SPON1: variants seen among roughly 807,000 people sequenced by gnomAD.
The protein encoded by SPON1 is spondin 1.
A neutral mutation model predicts 111.7 loss-of-function variants in SPON1; 52 were observed. That is an observed-to-expected ratio of 0.47 (90% CI 0.37 to 0.59). The LOEUF (loss-of-function observed/expected upper bound fraction) is 0.59, where lower values mean the gene tolerates loss of function less well. SPON1 is among the 20% of genes least tolerant of loss of function. The pLI, the probability that SPON1 is intolerant of heterozygous loss-of-function variation, is 0.00. For synonymous variants in SPON1, 410 were observed against 395.8 expected (o/e 1.04, Z -0.43); for missense variants, 957 against 1,068.5 (o/e 0.90, Z 1.46).
At chr11:14,046,775 G>C (rs1046872933) in intron 3 of SPON1, among the ~76,000 whole-genome samples, 1 of 152,120 alleles carries the variant, frequency 6.6e-6, no homozygotes, top group Non-Finnish European at 1.5e-5. Context: ...ATTTCGAATG[G>C]CTTTGCACTG....
intron 2 of SPON1, among the ~76,000 whole-genome samples, chr11:14,002,402 G>T (rs1848326203): frequency 6.6e-6 from 1 of 152,050 alleles, no homozygotes; most frequent in Non-Finnish European, 1.5e-5. Context: ...GCCCCAAAGA[G>T]CACCTTAAGA....
intron 6 of SPON1, among the ~76,000 whole-genome samples, chr11:14,138,875 C>T (rs1847621017): frequency 6.6e-6 from 1 of 152,122 alleles, no homozygotes; most frequent in Non-Finnish European, 1.5e-5. Context: ...TGTGCCTTCT[C>T]TTTTAAATTC....
chr11:14,254,494 C>T (rs1190259495), intron 7 of SPON1, 34 bp from the exon 8 acceptor site: 2 of 1,546,400 alleles, frequency 1.3e-6, no homozygotes, highest in Non-Finnish European at 8.7e-7. Flanking sequence ...ACCCCCAGAA[C>T]TCTAATATAA....
chr11:14,125,719 T>C (rs556953248), intron 5 of SPON1, among the ~76,000 whole-genome samples: 1 of 152,308 alleles, frequency 6.6e-6, no homozygotes, highest in African/African-American at 2.4e-5. Context: ...ATACCTGTTG[T>C]ATTAGTCAGG....
At chr11:14,227,149 A>C (rs1156578496) in intron 6 of SPON1, among the ~76,000 whole-genome samples, 1 of 152,158 alleles carries the variant, frequency 6.6e-6, no homozygotes. Context: ...TACCATGGCA[A>C]TATTCGTTTC....
intron 2 of SPON1, among the ~76,000 whole-genome samples, chr11:14,028,593 G>A (rs1554915636): frequency 6.6e-6 from 1 of 152,146 alleles, no homozygotes; most frequent in Non-Finnish European, 1.5e-5. Context: ...CTTATTCAGT[G>A]TATATGCATC....
In SPON1 at chr11:14,119,942, A is replaced by T. The variant is rs958236718; in HGVS notation, c.677-15478A>T. ...ATTTAAAATTTATCTCCTCAGTCAC[A>T]CTGGCCACATTTAAGTGCTCAGTGG... On this transcript the variant is annotated intron_variant, in intron 5 of 15. Coordinates refer to ENST00000576479, the MANE Select transcript of SPON1 (RefSeq NM_006108.4). Among the ~76,000 whole-genome samples, 9 of 152,196 alleles carry T rather than the reference A, an allele frequency of 5.9e-5. No individual in the cohort carries two copies. The East Asian group carries it at 1.2e-3, about 20-fold the overall frequency.
intron 6 of SPON1, among the ~76,000 whole-genome samples, chr11:14,241,378 G>A (rs1389562673): frequency 6.6e-6 from 1 of 152,218 alleles, no homozygotes; most frequent in African/African-American, 2.4e-5. Context: ...GAAGGGTTTT[G>A]GCAGGAGACA....
intron 6 of SPON1, among the ~76,000 whole-genome samples, chr11:14,175,869 C>T (rs1278219817): frequency 6.6e-6 from 1 of 152,166 alleles, no homozygotes; most frequent in African/African-American, 2.4e-5. Flanking sequence ...TCTTAATTTG[C>T]AAGATGCTGC....
intron 6 of SPON1, among the ~76,000 whole-genome samples, chr11:14,201,132 A>G (rs1187232025): frequency 6.6e-6 from 1 of 151,978 alleles, no homozygotes; most frequent in African/African-American, 2.4e-5. Context: ...CAAGGTCAGG[A>G]GGTCGAGACC....
chr11:14,249,343 G>A (rs1039555814), intron 7 of SPON1, among the ~76,000 whole-genome samples: 80 of 152,270 alleles, frequency 5.3e-4, no homozygotes, highest in African/African-American at 1.8e-3. Context: ...CGATGTCCTC[G>A]GGATGCTAAA....
intron 6 of SPON1, among the ~76,000 whole-genome samples, chr11:14,238,299 G>A (rs552490027): frequency 2.0e-5 from 3 of 152,114 alleles, no homozygotes; most frequent in Non-Finnish European, 4.4e-5. Context: ...CCACACTGAG[G>A]TCTGAGCCTC....
At chr11:14,154,292 G>T (rs1554930171) in intron 6 of SPON1, among the ~76,000 whole-genome samples, 2 of 152,230 alleles carry the variant, frequency 1.3e-5, no homozygotes. Flanking sequence ...CCCTGCAGCA[G>T]ACTTCTGCCA....
At chr11:14,055,167 G>T (rs1385983154) in intron 3 of SPON1, among the ~76,000 whole-genome samples, 1 of 152,100 alleles carries the variant, frequency 6.6e-6, no homozygotes, top group Non-Finnish European at 1.5e-5. Flanking sequence ...CTCTGTAGTG[G>T]GGACAGTAGA....
intron 6 of SPON1, among the ~76,000 whole-genome samples, chr11:14,177,915 A>T (rs6486175): frequency 1.3e-5 from 2 of 152,206 alleles, no homozygotes; most frequent in African/African-American, 4.8e-5. Flanking sequence ...TCCCTGACAC[A>T]TGTAAGAATT....
At chr11:14,190,667 G>T (rs1384513959) in intron 6 of SPON1, among the ~76,000 whole-genome samples, 4 of 136,274 alleles carry the variant, frequency 2.9e-5, no homozygotes, top group African/African-American at 8.2e-5. Flanking sequence ...TTGAGACAGA[G>T]TCTTGCTCTG....
At chr11:14,213,578 T>C (rs1219842392) in intron 6 of SPON1, among the ~76,000 whole-genome samples, 1 of 152,204 alleles carries the variant, frequency 6.6e-6, no homozygotes, top group African/African-American at 2.4e-5. Flanking sequence ...ACGATATTTA[T>C]TGAGCACTTT....
intron 6 of SPON1, among the ~76,000 whole-genome samples, chr11:14,179,752 G>C (rs1848218220): frequency 6.6e-6 from 1 of 151,900 alleles, no homozygotes; most frequent in South Asian, 2.1e-4. Context: ...GGGTGTGATG[G>C]GTATAAGTCT....
intron 6 of SPON1, among the ~76,000 whole-genome samples, chr11:14,238,537 G>A (rs782236032): frequency 1.3e-5 from 2 of 152,082 alleles, no homozygotes; most frequent in Non-Finnish European, 2.9e-5. Context: ...CACCAGCCCC[G>A]ACCCTAGACT....
Sources: gnomAD v4.1 joint callset for allele counts (sites outside exome capture counted in the v4.1 genomes callset) on GRCh38, gnomAD v4.1.1 for gene constraint, MANE v1.5 for transcripts, NCBI Gene and HGNC (gene_info 2026-07-23, HGNC 2026-07-21) for gene names.